The following GATAD1 variants were observed in gnomAD, a reference collection of about 807,000 sequenced individuals.
GATAD1 encodes GATA zinc finger domain containing 1.
A neutral mutation model predicts 26.5 loss-of-function variants in GATAD1; 12 were observed. The observed-to-expected ratio is 0.45, with a 90% confidence interval of 0.29 to 0.73. The LOEUF is 0.73. Among genes scored for constraint, GATAD1 ranks in the 30% least tolerant of loss-of-function variants. The pLI is 0.10. For missense variants in GATAD1, 266 were observed against 342.1 expected (o/e 0.78, Z 1.75); for synonymous variants, 129 against 133.1 (o/e 0.97, Z 0.21).
At chr7:92,491,694 T>C in the GATAD1 span, 1 of 550,396 alleles carries the variant, frequency 1.8e-6, no homozygotes, top group East Asian at 3.1e-5. Context: ...AAAGACAAGA[T>C]AGAATGTGTA....
chr7:92,486,125 A>T, the GATAD1 span, among the ~76,000 whole-genome samples: 3 of 152,192 alleles, frequency 2.0e-5, no homozygotes, highest in Non-Finnish European at 4.4e-5. Flanking sequence ...CCCCCTCACC[A>T]CAGCTGACAT....
At chr7:92,448,520 G>C (rs113720212) in intron 1 of GATAD1, among the ~76,000 whole-genome samples, 3 of 152,096 alleles carry the variant, frequency 2.0e-5, no homozygotes, top group Admixed American at 6.5e-5. Flanking sequence ...ACACCTTTTG[G>C]AGGCTCTGGA....
intron 3 of GATAD1, chr7:92,454,209 T>C (rs190970047): frequency 9.7e-4 from 286 of 294,784 alleles, no homozygotes; most frequent in African/African-American, 5.8e-3. Flanking sequence ...AAAGTCTATT[T>C]TTTAAAAAGT....
chr7:92,460,776 C>CAAAA (rs557542327), downstream of GATAD1, among the ~76,000 whole-genome samples: 15 of 63,314 alleles, frequency 2.4e-4, no homozygotes, highest in Middle Eastern at 8.6e-3. Flanking sequence ...GACCTTCTCT[C>CAAAA]AAAAAAAAAA....
chr7:92,454,678 T>C lies in GATAD1; in HGVS notation c.612T>C (p.Tyr204=). Residue 204 remains tyrosine, a synonymous_variant, in exon 4 of 5, where the codon TAT becomes TAC. Transcript: ENST00000287957. Reference sequence around the variant, plus strand: ...GAGACCAATTTGATCCCGCCTCCTATATCATAGGTAAGTTTGACAAATGGC... The same window carrying C: ...GAGACCAATTTGATCCCGCCTCCTACATCATAGGTAAGTTTGACAAATGGC... The part of the protein sequence containing the change: ...SPRDQFDPAS[Y]IIGPEEDLPR... 2 of 1,578,336 alleles carry C rather than the reference T, an allele frequency of 1.3e-6. No homozygotes were observed. The highest frequency in any genetic ancestry group is 1.7e-6 in the Non-Finnish European group (2 of 1,166,384).
the GATAD1 span, among the ~76,000 whole-genome samples, chr7:92,481,604 A>G: frequency 2.0e-5 from 3 of 152,188 alleles, no homozygotes; most frequent in African/African-American, 7.2e-5. Context: ...ACAGCCCTGC[A>G]CTTCGGCTGT....
chr7:92,461,502 C>T (rs921235734), downstream of GATAD1: 1 of 152,134 alleles, frequency 6.6e-6, no homozygotes, highest in African/African-American at 2.4e-5. Context: ...TGCTGAGACT[C>T]TGAAAGAGAA....
chr7:92,491,392 C>T, the GATAD1 span: 2 of 1,613,420 alleles, frequency 1.2e-6, no homozygotes, highest in Non-Finnish European at 1.7e-6. Context: ...AAACAAGGGA[C>T]TGATCTAAGC....
chr7:92,487,570 G>A, the GATAD1 span: 2 of 982,664 alleles, frequency 2.0e-6, no homozygotes, highest in Admixed American at 1.8e-5. Context: ...AATTTAATAT[G>A]TATAAATACT....
At chr7:92,467,663 A>G in the GATAD1 span, among the ~76,000 whole-genome samples, 2 of 152,246 alleles carry the variant, frequency 1.3e-5, no homozygotes, top group Admixed American at 6.5e-5. Flanking sequence ...AGTCAGGCCC[A>G]GGCTCCCTTA....
chr7:92,448,036 G>A, intron 1 of GATAD1, 58 bp downstream of exon 1: 2 of 1,179,558 alleles, frequency 1.7e-6, no homozygotes, highest in Non-Finnish European at 2.1e-6. Flanking sequence ...GGCGGGCGGG[G>A]ACGGGCTGGC....
At chr7:92,477,077 T>C in the GATAD1 span, among the ~76,000 whole-genome samples, 2 of 152,180 alleles carry the variant, frequency 1.3e-5, no homozygotes, top group Non-Finnish European at 1.5e-5. Context: ...TTGAGACTTC[T>C]GGCTACACCA....
chr7:92,453,097 G>A (rs1172386468), intron 3 of GATAD1, among the ~76,000 whole-genome samples: 1 of 152,142 alleles, frequency 6.6e-6, no homozygotes, highest in Non-Finnish European at 1.5e-5. Flanking sequence ...TCAGACACTT[G>A]GATAAAGGGT....
chr7:92,448,064 G>C (rs1789239871), intron 1 of GATAD1, 86 bp downstream of exon 1: 2 of 1,042,632 alleles, frequency 1.9e-6, no homozygotes, highest in African/African-American at 1.7e-5. Context: ...GGGCGGGCGC[G>C]GGCTTCCCCG....
the GATAD1 span, among the ~76,000 whole-genome samples, chr7:92,477,099 G>A: frequency 2.0e-5 from 3 of 152,162 alleles, no homozygotes; most frequent in Non-Finnish European, 4.4e-5. Context: ...GATCTCAACC[G>A]GCTACTGCCG....
Position 92,447,840 on chromosome 7 carries a change from C to A in GATAD1, c.111C>A (p.Gly37=). The A allele has an allele frequency of 7.1e-7, 1 of 1,405,750 alleles. No homozygotes were observed. The highest frequency in any genetic ancestry group is 9.3e-7 in the Non-Finnish European group (1 of 1,075,094). 87.1% of individuals were successfully genotyped at this position (1,405,750 alleles called of 1,614,324 possible). A position where few individuals can be genotyped will look rare whatever the true frequency, so the allele number is the denominator to read the frequency against. The part of the protein sequence containing the change: ...EILCHHCTGR[G]GAGSGGAGSG... ...TCTGCCATCATTGCACTGGCCGGGG[C>A]GGCGCGGGCAGCGGGGGCGCAGGCT... The change falls in exon 1 of 5, where the codon GGC becomes GGA. Residue 37 remains glycine (G), a synonymous_variant. Coordinates refer to ENST00000287957, the MANE Select transcript of GATAD1 (RefSeq NM_021167.5).
chr7:92,491,486 G>C, the GATAD1 span: 4 of 1,608,506 alleles, frequency 2.5e-6, no homozygotes, highest in African/African-American at 4.0e-5. Context: ...GTCACTATCA[G>C]AGCTGGAACT....
intron 3 of GATAD1, among the ~76,000 whole-genome samples, chr7:92,452,982 G>A (rs573681012): frequency 1.3e-5 from 2 of 152,172 alleles, no homozygotes; most frequent in Non-Finnish European, 2.9e-5. Flanking sequence ...TGGACTGATG[G>A]CTGGGAGGAA....
the GATAD1 span, chr7:92,469,128 A>G: frequency 1.4e-6 from 1 of 702,324 alleles, no homozygotes; most frequent in Non-Finnish European, 2.6e-6. Context: ...GAATTTCTTT[A>G]ACTTTCTCAG....
Sources: gnomAD v4.1 joint callset for allele counts (sites outside exome capture counted in the v4.1 genomes callset) on GRCh38, gnomAD v4.1.1 for gene constraint, MANE v1.5 for transcripts, NCBI Gene and HGNC (gene_info 2026-07-23, HGNC 2026-07-21) for gene names.